The following ARHGEF18 variants were observed in gnomAD, a reference collection of about 807,000 sequenced individuals.
ARHGEF18 encodes the protein Rho/Rac guanine nucleotide exchange factor 18, also known as rho guanine nucleotide exchange factor 18.
ARHGEF18 carries 93 observed loss-of-function variants against 155.7 expected under a neutral mutation model. The ratio of observed to expected loss-of-function variants is 0.60; its 90% CI spans 0.50 to 0.71. ARHGEF18 has a LOEUF of 0.71. Among genes scored for constraint, ARHGEF18 ranks in the 30% least tolerant of loss-of-function variants. ARHGEF18 has a pLI of 0.00. For missense variants in ARHGEF18, 1,593 were observed against 1,816.1 expected (o/e 0.88, Z 2.23); for synonymous variants, 742 against 753.1 (o/e 0.99, Z 0.24).
At position 7,441,729 on chromosome 19, in the gene ARHGEF18, C is replaced by G; in HGVS notation, c.1183C>G (p.Leu395Val). 1 of 1,614,220 alleles carries G rather than the reference C, an allele frequency of 6.2e-7. No homozygotes were observed. The highest frequency in any genetic ancestry group is 8.5e-7 in the Non-Finnish European group (1 of 1,180,038). Reference protein sequence around the residue: ...FKQTADDSLSLTSPNTESIFV... With the variant: ...FKQTADDSLSVTSPNTESIFV... Reference sequence around the variant, plus strand: ...GCAGACAGCTGATGACTCTCTGTCCCTTACATCTCCAAACACCGAGTCCAT... The same window carrying G: ...GCAGACAGCTGATGACTCTCTGTCCGTTACATCTCCAAACACCGAGTCCAT... The change falls in exon 12 of 29, where the codon CTT becomes GTT. Residue 395 changes from leucine to valine, a missense_variant. Leu to Val is a conservative substitution (Grantham distance 32). Coordinates refer to ENST00000668164, the MANE Select transcript of ARHGEF18 (RefSeq NM_001367823.1).
chr19:7,419,750 C>T (rs960348869), intron 10 of ARHGEF18, among the ~76,000 whole-genome samples: 7 of 152,026 alleles, frequency 4.6e-5, no homozygotes, highest in East Asian at 3.9e-4. Flanking sequence ...GGGAAGGTGT[C>T]GGGCAGGGCA....
intron 17 of ARHGEF18, among the ~76,000 whole-genome samples, chr19:7,455,562 G>A (rs370293292): frequency 2.0e-5 from 3 of 152,184 alleles, no homozygotes; most frequent in Non-Finnish European, 2.9e-5. Context: ...GGCCTGCATC[G>A]CTGCTGTGGC....
chr19:7,407,035 A>C (rs1002818258), intron 10 of ARHGEF18, among the ~76,000 whole-genome samples: 6 of 148,838 alleles, frequency 4.0e-5, no homozygotes, highest in African/African-American at 1.5e-4. Flanking sequence ...ACTGCACTCC[A>C]GCCTGGGCGA....
At chr19:7,380,790 C>T (rs1970698447) in intron 7 of ARHGEF18, 127 bp from the exon 8 acceptor site, 4 of 471,720 alleles carry the variant, frequency 8.5e-6, no homozygotes. Flanking sequence ...TATACAAGCC[C>T]AGAGTGTCAA....
intron 10 of ARHGEF18, among the ~76,000 whole-genome samples, chr19:7,393,580 T>C (rs1305388421): frequency 6.6e-6 from 1 of 152,026 alleles, no homozygotes; most frequent in East Asian, 1.9e-4. Flanking sequence ...TCCTGGTTAC[T>C]GTTCAACTGC....
intron 3 of ARHGEF18, 74 bp downstream of exon 3, chr19:7,373,145 AG>A (rs1320739021): frequency 1.6e-6 from 2 of 1,232,318 alleles, no homozygotes; most frequent in East Asian, 3.2e-5. Flanking sequence ...GGCCAGAGCC[AG>A]GTCCTAAGAC....
At chr19:7,477,138 C>T (rs1376229393), downstream of ARHGEF18, 6 of 1,366,412 alleles carry the variant, frequency 4.4e-6, no homozygotes, top group African/African-American at 1.5e-5. Flanking sequence ...GCCCTGGCGG[C>T]TTCTGCTTTG....
chr19:7,408,446 G>C (rs188910223), intron 10 of ARHGEF18, among the ~76,000 whole-genome samples: 7 of 152,220 alleles, frequency 4.6e-5, no homozygotes, highest in Non-Finnish European at 1.0e-4. Flanking sequence ...CCCACAGACA[G>C]TAGGGGTTCA....
intron 15 of ARHGEF18, among the ~76,000 whole-genome samples, chr19:7,450,565 G>A (rs904008602): frequency 0.03 from 2 of 66 alleles, no homozygotes; most frequent in South Asian, 0.25. Context: ...CCATTTCCGA[G>A]GTGTGAATGT....
At chr19:7,435,351 A>G (rs1163895229) in intron 10 of ARHGEF18, among the ~76,000 whole-genome samples, 3 of 152,130 alleles carry the variant, frequency 2.0e-5, no homozygotes, top group Non-Finnish European at 4.4e-5. Context: ...TCAGGAAGGA[A>G]GAAGTTTATA....
At chr19:7,431,636 C>A (rs570283221) in intron 10 of ARHGEF18, among the ~76,000 whole-genome samples, 7 of 151,360 alleles carry the variant, frequency 4.6e-5, no homozygotes, top group Admixed American at 4.6e-4. Flanking sequence ...ACCAACATGG[C>A]GAAACCCCGT....
intron 10 of ARHGEF18, among the ~76,000 whole-genome samples, chr19:7,389,761 C>T (rs569271970): frequency 6.6e-6 from 1 of 152,248 alleles, no homozygotes; most frequent in South Asian, 2.1e-4. Flanking sequence ...TCTCGAACTC[C>T]TGGCCTCAAG....
chr19:7,409,436 T>A (rs1463235063), intron 10 of ARHGEF18, among the ~76,000 whole-genome samples: 3 of 150,402 alleles, frequency 2.0e-5, no homozygotes, highest in African/African-American at 7.3e-5. Context: ...GAGTCTTTTT[T>A]TTTTTTTTTT....
chr19:7,402,935 T>C (rs1972095538), intron 10 of ARHGEF18, among the ~76,000 whole-genome samples: 1 of 152,048 alleles, frequency 6.6e-6, no homozygotes, highest in Non-Finnish European at 1.5e-5. Context: ...ATTTATGTTA[T>C]ATTATAGCAA....
At chr19:7,383,904 T>C (rs1291655800) in intron 10 of ARHGEF18, among the ~76,000 whole-genome samples, 1 of 151,852 alleles carries the variant, frequency 6.6e-6, no homozygotes, top group African/African-American at 2.4e-5. Context: ...TTGGTGGTTG[T>C]GGGGTGGTGA....
chr19:7,443,257 A>G (rs1331060733), intron 13 of ARHGEF18, among the ~76,000 whole-genome samples: 2 of 151,930 alleles, frequency 1.3e-5, no homozygotes, highest in Non-Finnish European at 2.9e-5. Flanking sequence ...GTGTTTCACC[A>G]TGTTGGTCAG....
chr19:7,451,318 T>C (rs1334098407), intron 16 of ARHGEF18, 52 bp downstream of exon 16: 31 of 1,491,120 alleles, frequency 2.1e-5, no homozygotes, highest in Non-Finnish European at 2.7e-5. Context: ...AGCACAGGGC[T>C]CTCTCCGTGT....
chr19:7,464,719 G>A (rs778631365), intron 23 of ARHGEF18, 29 bp downstream of exon 23: 2 of 1,611,634 alleles, frequency 1.2e-6, no homozygotes, highest in East Asian at 4.5e-5. Flanking sequence ...GCTCGGTACA[G>A]TCTGAGTCGT....
At chr19:7,418,378 C>T (rs10420664) in intron 10 of ARHGEF18, among the ~76,000 whole-genome samples, 23,509 of 152,106 alleles carry the variant, frequency 0.15, 3,811 homozygotes, top group African/African-American at 0.41. Context: ...CCTGCCTCAG[C>T]CCCCCAAGTA....
Sources: gnomAD v4.1 joint callset for allele counts (sites outside exome capture counted in the v4.1 genomes callset) on GRCh38, gnomAD v4.1.1 for gene constraint, MANE v1.5 for transcripts, NCBI Gene and HGNC (gene_info 2026-07-23, HGNC 2026-07-21) for gene names.